The following FHIT variants were observed in gnomAD, a reference collection of about 807,000 sequenced individuals.
FHIT encodes bis(5'-adenosyl)-triphosphatase.
A neutral mutation model predicts 17.9 loss-of-function variants in FHIT; 19 were observed. The ratio of observed to expected loss-of-function variants is 1.06; its 90% CI spans 0.74 to 1.56. FHIT has a LOEUF of 1.56. FHIT is among the 40% of genes most tolerant of loss of function. The pLI, the probability that FHIT is intolerant of heterozygous loss-of-function variation, is 0.00. For missense variants in FHIT, 248 were observed against 189.2 expected, an observed-to-expected ratio of 1.31 and a Z score of -1.82; for synonymous variants, 81 against 69.7, an observed-to-expected ratio of 1.16 and a Z score of -0.81.
chr3:60,382,309 CA>C (rs1700833602), intron 5 of FHIT, among the ~76,000 whole-genome samples: 1 of 152,156 alleles, frequency 6.6e-6, no homozygotes, highest in Admixed American at 6.5e-5. Context: ...TATAAAACTA[CA>C]AAATACTAAA....
chr3:59,783,951 T>C (rs944162702), intron 8 of FHIT, among the ~76,000 whole-genome samples: 1 of 152,156 alleles, frequency 6.6e-6, no homozygotes, highest in Admixed American at 6.5e-5. Flanking sequence ...GTGAATGAAC[T>C]AGAAACCTTA....
At chr3:60,470,070 C>T (rs1329968726) in intron 5 of FHIT, among the ~76,000 whole-genome samples, 4 of 151,426 alleles carry the variant, frequency 2.6e-5, no homozygotes, top group Non-Finnish European at 5.9e-5. Flanking sequence ...CTCTCTCTCT[C>T]TCTCTCTCTC....
intron 5 of FHIT, among the ~76,000 whole-genome samples, chr3:60,233,407 C>A (rs2107557206): frequency 6.6e-6 from 1 of 152,116 alleles, no homozygotes; most frequent in African/African-American, 2.4e-5. Flanking sequence ...GAGGGCTCCT[C>A]CCCAAGATGT....
At chr3:60,275,567 A>G (rs542966063) in intron 5 of FHIT, among the ~76,000 whole-genome samples, 1 of 152,316 alleles carries the variant, frequency 6.6e-6, no homozygotes, top group Admixed American at 6.5e-5. Flanking sequence ...GACAGTAGGC[A>G]TTCATCTTAT....
intron 8 of FHIT, among the ~76,000 whole-genome samples, chr3:59,848,992 A>G (rs909069957): frequency 1.3e-5 from 2 of 152,204 alleles, no homozygotes; most frequent in Non-Finnish European, 2.9e-5. Context: ...TGCAAATTCC[A>G]TTTAGGACAG....
At chr3:59,932,444 T>C (rs1575720059) in intron 7 of FHIT, among the ~76,000 whole-genome samples, 3 of 152,224 alleles carry the variant, frequency 2.0e-5, no homozygotes, top group East Asian at 3.9e-4. Flanking sequence ...AAAGGAAGCA[T>C]TGATTGCAGA....
intron 4 of FHIT, among the ~76,000 whole-genome samples, chr3:60,585,845 AT>A (rs1452075052): frequency 2.2e-4 from 33 of 151,746 alleles, no homozygotes; most frequent in African/African-American, 7.7e-4. Flanking sequence ...TTGTTTTACT[AT>A]TTTTTTTAAT....
At chr3:61,149,695 T>C (rs992167292) in intron 2 of FHIT, among the ~76,000 whole-genome samples, 1 of 151,512 alleles carries the variant, frequency 6.6e-6, no homozygotes, top group South Asian at 2.1e-4. Context: ...CTCAGCAACA[T>C]AGTGAGATCC....
At chr3:60,587,364 A>G (rs189274836) in intron 4 of FHIT, among the ~76,000 whole-genome samples, 1 of 152,102 alleles carries the variant, frequency 6.6e-6, no homozygotes. Flanking sequence ...GGTGGGGAGC[A>G]AGGGAAGAGA....
At chr3:59,889,570 T>G (rs563424730) in intron 8 of FHIT, among the ~76,000 whole-genome samples, 1 of 152,138 alleles carries the variant, frequency 6.6e-6, no homozygotes, top group Non-Finnish European at 1.5e-5. Context: ...ACCCTCCTTA[T>G]AACAGAGAGG....
At chr3:60,671,492 T>C (rs2040503046) in intron 4 of FHIT, among the ~76,000 whole-genome samples, 1 of 152,144 alleles carries the variant, frequency 6.6e-6, no homozygotes, top group Non-Finnish European at 1.5e-5. Context: ...AGAATGTTAA[T>C]GTTAGACACC....
At chr3:60,291,005 TG>T (rs938707298) in intron 5 of FHIT, among the ~76,000 whole-genome samples, 9 of 152,152 alleles carry the variant, frequency 5.9e-5, no homozygotes, top group African/African-American at 1.9e-4. Context: ...AGGATCTTTG[TG>T]GATTAATTAA....
chr3:60,486,819 C>A lies in FHIT; in HGVS notation c.103+50041G>T, dbSNP rs900493638. ...TTTGATCCAAAAATTCTTAGTAATG[C>A]CACTAAAATTTCTCAAAACAAAGTC... On this transcript the variant is annotated intron_variant, in intron 5 of 9. Transcript: ENST00000492590. 8.6e-5 allele frequency among the ~76,000 whole-genome samples: 13 copies of A among 151,730 alleles called. 1 individual carries two copies. The highest frequency in any genetic ancestry group is 5.9e-4 in the Admixed American group (9 of 15,148).
intron 4 of FHIT, among the ~76,000 whole-genome samples, chr3:60,634,760 T>C (rs1389393468): frequency 1.3e-5 from 2 of 152,238 alleles, no homozygotes; most frequent in African/African-American, 4.8e-5. Context: ...AAGTGTTCCA[T>C]GCTAATTCAC....
At chr3:60,968,132 G>C (rs1381640477) in intron 3 of FHIT, among the ~76,000 whole-genome samples, 1 of 152,238 alleles carries the variant, frequency 6.6e-6, no homozygotes, top group Non-Finnish European at 1.5e-5. Flanking sequence ...GTTGAGAGCA[G>C]AAATGTGTTT....
chr3:60,262,994 A>G (rs558600882), intron 5 of FHIT, among the ~76,000 whole-genome samples: 1 of 152,120 alleles, frequency 6.6e-6, no homozygotes, highest in Admixed American at 6.6e-5. Flanking sequence ...TTATATCTAG[A>G]ATAAAAAATA....
chr3:60,790,502 G>C (rs1455817871), intron 4 of FHIT, among the ~76,000 whole-genome samples: 1 of 152,146 alleles, frequency 6.6e-6, no homozygotes, highest in African/African-American at 2.4e-5. Flanking sequence ...ACAGGATCAT[G>C]ATTGTAATTT....
intron 5 of FHIT, among the ~76,000 whole-genome samples, chr3:60,153,428 C>T (rs1339167292): frequency 6.6e-6 from 1 of 151,124 alleles, no homozygotes; most frequent in Non-Finnish European, 1.5e-5. Context: ...CAGCTGAGCC[C>T]ACCTGTTTGG....
At chr3:60,495,590 G>A (rs903806644) in intron 5 of FHIT, among the ~76,000 whole-genome samples, 2 of 151,876 alleles carry the variant, frequency 1.3e-5, no homozygotes, top group Admixed American at 6.6e-5. Flanking sequence ...AGACCTAACA[G>A]GGGGAAACCT....
Sources: gnomAD v4.1 joint callset for allele counts (sites outside exome capture counted in the v4.1 genomes callset) on GRCh38, gnomAD v4.1.1 for gene constraint, MANE v1.5 for transcripts, NCBI Gene and HGNC (gene_info 2026-07-23, HGNC 2026-07-21) for gene names.